GSN: variants seen among roughly 807,000 people sequenced by gnomAD.
GSN encodes gelsolin.
A neutral mutation model predicts 85.7 loss-of-function variants in GSN; 56 were observed. That is an observed-to-expected ratio of 0.65 (90% CI 0.53 to 0.82). The LOEUF (loss-of-function observed/expected upper bound fraction) is 0.82, where lower values mean the gene tolerates loss of function less well. Ranked by LOEUF, GSN falls within the 40% of genes least tolerant of loss-of-function variation. GSN has a pLI of 0.00. For synonymous variants in GSN, 373 were observed against 399.1 expected (o/e 0.93, Z 0.78); for missense variants, 857 against 979.8 (o/e 0.87, Z 1.67).
At chr9:121,207,923 A>ATATGTGTGTGTGTG (rs1554772001) in intron 1 of GSN, 1 of 139,436 alleles carries the variant, frequency 7.2e-6, no homozygotes, top group Non-Finnish European at 1.5e-5. Context: ...TCTGGCTAAT[A>ATATGTGTGTGTGTG]TGTGTGTGTG....
intron 1 of GSN, among the ~76,000 whole-genome samples, chr9:121,275,089 G>A (rs1242990775): frequency 6.6e-6 from 1 of 152,194 alleles, no homozygotes; most frequent in Non-Finnish European, 1.5e-5. Context: ...AAAAAGCTCA[G>A]CTGTCCTTTT....
chr9:121,286,449 C>T (rs10760168), intron 2 of GSN: 327,176 of 699,426 alleles, frequency 0.47, 79,413 homozygotes, highest in East Asian at 0.59. Context: ...AAACTGTTTA[C>T]GCTTCCTTGT....
At chr9:121,239,180 C>G (rs541580394) in intron 5 of GSN, 1 of 320,176 alleles carries the variant, frequency 3.1e-6, no homozygotes, top group East Asian at 7.7e-5. Flanking sequence ...CCTCATCAAC[C>G]AGGAATCTCT....
chr9:121,272,059 G>A (rs1230830676), intron 1 of GSN, among the ~76,000 whole-genome samples: 1 of 152,234 alleles, frequency 6.6e-6, no homozygotes, highest in East Asian at 1.9e-4. Context: ...AGAGACCAGT[G>A]TTTAGGCAGC....
chr9:121,305,742 C>T (rs1269538594), intron 4 of GSN, among the ~76,000 whole-genome samples: 1 of 152,240 alleles, frequency 6.6e-6, no homozygotes, highest in East Asian at 1.9e-4. Flanking sequence ...CTGAAAGGCG[C>T]TGGCTCCTGG....
At chr9:121,250,451 G>T (rs952204284) in intron 6 of GSN, among the ~76,000 whole-genome samples, 1 of 151,866 alleles carries the variant, frequency 6.6e-6, no homozygotes, top group Non-Finnish European at 1.5e-5. Flanking sequence ...TGATTTGCCC[G>T]CCTTGGCCTC....
At chr9:121,246,669 C>T (rs971287437) in intron 5 of GSN, among the ~76,000 whole-genome samples, 2 of 152,112 alleles carry the variant, frequency 1.3e-5, no homozygotes, top group African/African-American at 4.8e-5. Flanking sequence ...CTCTCATCGC[C>T]GCTCTTCAGC....
At chr9:121,300,101 G>A (rs369491966) in intron 2 of GSN, 1 of 1,611,720 alleles carries the variant, frequency 6.2e-7, no homozygotes, top group Admixed American at 1.7e-5. Context: ...TTCAGGTCTA[G>A]AATGGAAAAA....
intron 1 of GSN, among the ~76,000 whole-genome samples, chr9:121,270,006 C>T (rs921038279): frequency 2.6e-5 from 4 of 152,122 alleles, no homozygotes; most frequent in African/African-American, 7.2e-5. Flanking sequence ...CACTTTTGTG[C>T]CATATTAAGA....
chr9:121,299,732 G>C lies in GSN; in HGVS notation c.-9-2231G>C, dbSNP rs951682817. 5.5e-6 allele frequency: 6 copies of C among 1,087,144 alleles called. No individual in the cohort carries two copies. In the East Asian group the frequency reaches 2.7e-4, roughly 48 times the overall value. 67.3% of individuals were successfully genotyped at this position (1,087,144 alleles called of 1,614,324 possible). ...GGGAACCCAGATGTCTCCAAGATCC[G>C]AGACAGATCCCCGCCCCGCGCCCTC... On this transcript the variant is annotated intron_variant, in intron 2 of 17. Transcript: ENST00000432226. This position sits in a 1 kb window ranked among gnomAD's most constrained non-coding sequence, Gnocchi z 4.2.
chr9:121,249,575 G>A (rs991237036), intron 6 of GSN, among the ~76,000 whole-genome samples: 6 of 152,156 alleles, frequency 3.9e-5, no homozygotes, highest in African/African-American at 1.2e-4. Context: ...CTTCCTTTCA[G>A]AGGATATATT....
chr9:121,228,181 G>GAT lies in GSN; in HGVS notation c.-527-2983_-527-2982insTA, dbSNP rs1450306553. Among the ~76,000 whole-genome samples, 12 of 151,816 alleles carry GAT rather than the reference G, an allele frequency of 7.9e-5. No individual in the cohort carries two copies. The South Asian group carries it at 2.1e-3, about 26-fold the overall frequency. On this transcript the variant is annotated intron_variant, in intron 4 of 24. Transcript: ENST00000373823. ...CAAATGTCTACCTCCATTATCTTAG[G>GAT]AAGCATGCCTTCCTCCTCCTTCTGT...
At chr9:121,295,329 C>T (rs1358313096) in intron 2 of GSN, among the ~76,000 whole-genome samples, 1 of 152,214 alleles carries the variant, frequency 6.6e-6, no homozygotes, top group Non-Finnish European at 1.5e-5. Context: ...ACTGGCTTCT[C>T]TGTTTACTGA....
Position 121,321,300 on chromosome 9 carries a change from C to G in GSN, c.1224C>G (p.Pro408=), listed in dbSNP as rs780270307. 2 of 1,613,734 alleles carry G rather than the reference C, an allele frequency of 1.2e-6. No homozygotes were observed. Among genetic ancestry groups the G allele is most frequent in the Admixed American group, 1.7e-5 (1 of 60,012 alleles). ...GAATCGAAGGTTCCAACAAGGTGCCCGTGGACCCTGCCACATATGGACAGT... is the reference window on the plus strand; with the variant it reads ...GAATCGAAGGTTCCAACAAGGTGCCGGTGGACCCTGCCACATATGGACAGT... The part of the protein sequence containing the change: ...IWRIEGSNKV[P]VDPATYGQFY... Residue 408 remains proline, a synonymous_variant, in exon 11 of 18, where the codon CCC becomes CCG. Coordinates refer to ENST00000432226, the MANE Select transcript of GSN (RefSeq NM_198252.3).
intron 2 of GSN, among the ~76,000 whole-genome samples, chr9:121,292,554 G>C (rs1445632597): frequency 2.0e-5 from 3 of 152,128 alleles, no homozygotes; most frequent in Non-Finnish European, 4.4e-5. Context: ...ACAGTGCCAG[G>C]GCTCCTTCAG....
intron 6 of GSN, among the ~76,000 whole-genome samples, chr9:121,248,589 C>T (rs2054750185): frequency 6.6e-6 from 1 of 152,156 alleles, no homozygotes; most frequent in African/African-American, 2.4e-5. Context: ...TGAAAGAACA[C>T]AGCAGGGGAA....
chr9:121,235,772 G>C (rs2054480433), intron 5 of GSN, among the ~76,000 whole-genome samples: 2 of 152,166 alleles, frequency 1.3e-5, no homozygotes, highest in African/African-American at 4.8e-5. Context: ...TGAGAATTCA[G>C]GCACCTGGCC....
chr9:121,264,486 A>C (rs916348764), upstream of GSN, among the ~76,000 whole-genome samples: 1 of 152,220 alleles, frequency 6.6e-6, no homozygotes, highest in African/African-American at 2.4e-5. Flanking sequence ...TTGAGCAATC[A>C]GTTCGTAAGA....
At chr9:121,284,717 T>G (rs1361298689) in intron 2 of GSN, 1 of 167,184 alleles carries the variant, frequency 6.0e-6, no homozygotes, top group Non-Finnish European at 1.5e-5. Flanking sequence ...TTTTGAATGC[T>G]GGGTTTCTAT....
Sources: allele counts gnomAD v4.1 joint callset (sites outside exome capture counted in the v4.1 genomes callset), GRCh38; gene constraint gnomAD v4.1.1; non-coding constraint Gnocchi (gnomAD v3.1); transcripts MANE v1.5; gene names NCBI Gene and HGNC (gene_info 2026-07-23, HGNC 2026-07-21).